The following THADA variants were observed in gnomAD, a reference collection of about 807,000 sequenced individuals.
The protein encoded by THADA is THADA armadillo repeat containing.
THADA carries 213 observed loss-of-function variants against 219.8 expected under a neutral mutation model. That is an observed-to-expected ratio of 0.97 (90% confidence interval 0.87 to 1.09). The LOEUF is 1.09. Among genes scored for constraint, THADA ranks in the 50% least tolerant of loss-of-function variants. The pLI, the probability that THADA is intolerant of heterozygous loss-of-function variation, is 0.00. For missense variants in THADA, 2,956 were observed against 2,311.3 expected (o/e 1.28, Z -5.72); for synonymous variants, 1,018 against 828.9 (o/e 1.23, Z -3.92).
intron 29 of THADA, among the ~76,000 whole-genome samples, chr2:43,394,168 G>A (rs35044219): frequency 0.013 from 1,965 of 152,234 alleles, 20 homozygotes; most frequent in Non-Finnish European, 0.022. Context: ...TGAATCTGCC[G>A]CATAACCTCA....
At chr2:43,546,176 G>C (rs1466606983) in intron 20 of THADA, among the ~76,000 whole-genome samples, 1 of 151,480 alleles carries the variant, frequency 6.6e-6, no homozygotes, top group African/African-American at 2.4e-5. Flanking sequence ...CCATGTAGTT[G>C]AGTGGTTTTG....
intron 22 of THADA, among the ~76,000 whole-genome samples, chr2:43,515,255 TA>T (rs1691465300): frequency 6.5e-5 from 1 of 15,340 alleles, no homozygotes; most frequent in Non-Finnish European, 1.2e-4. Flanking sequence ...ATATTATATA[TA>T]ATATATAATA....
intron 36 of THADA, 130 bp from the exon 37 acceptor site, chr2:43,233,012 T>C (rs566307972): frequency 5.3e-6 from 5 of 935,032 alleles, no homozygotes; most frequent in South Asian, 5.1e-5. Context: ...GGGAAGCTGG[T>C]AGGGTGGGCT....
intron 34 of THADA, 48 bp downstream of exon 34, chr2:43,291,648 G>A: frequency 6.9e-7 from 1 of 1,454,348 alleles, no homozygotes; most frequent in Non-Finnish European, 9.3e-7. Flanking sequence ...CTGAGTAAAT[G>A]AGAACAAAAA....
At chr2:43,291,813 G>C in intron 33 of THADA, 45 bp from the exon 34 acceptor site, 1 of 1,492,560 alleles carries the variant, frequency 6.7e-7, no homozygotes, top group Non-Finnish European at 9.1e-7. Context: ...ATTACAATCA[G>C]ACATATTTCA....
chr2:43,244,057 A>G lies in THADA; in HGVS notation c.5297-11175T>C, dbSNP rs180912343. On this transcript the variant is annotated intron_variant, in intron 36 of 37. Transcript: ENST00000405975. Reference sequence around the variant, plus strand: ...TTTAATCAACAATACATTCCAAAAAATCTTTATTTTTAAAGTTAAAATAAC... The same window carrying G: ...TTTAATCAACAATACATTCCAAAAAGTCTTTATTTTTAAAGTTAAAATAAC... Among the ~76,000 whole-genome samples, 340 of 152,334 alleles carry G rather than the reference A, an allele frequency of 2.2e-3. 2 individuals carry two copies. Among genetic ancestry groups the G allele is most frequent in the Middle Eastern group, 0.014 (4 of 294 alleles).
intron 21 of THADA, among the ~76,000 whole-genome samples, chr2:43,530,866 TG>T (rs150460619): frequency 0.1 from 15,388 of 152,300 alleles, 840 homozygotes; most frequent in South Asian, 0.14. Flanking sequence ...TAGGTATTCC[TG>T]GGCACAGAAA....
At chr2:43,593,996 CAG>C (rs1355951986) in intron 1 of THADA, among the ~76,000 whole-genome samples, 1 of 152,100 alleles carries the variant, frequency 6.6e-6, no homozygotes, top group East Asian at 1.9e-4. Flanking sequence ...AAACAGATTC[CAG>C]ATCAATACAA....
intron 29 of THADA, among the ~76,000 whole-genome samples, chr2:43,391,553 G>C (rs1673384258): frequency 6.6e-6 from 1 of 151,978 alleles, no homozygotes; most frequent in Non-Finnish European, 1.5e-5. Flanking sequence ...TATCCAGAAA[G>C]GAATATATTG....
At chr2:43,383,032 G>A (rs1322777610) in intron 29 of THADA, among the ~76,000 whole-genome samples, 1 of 152,092 alleles carries the variant, frequency 6.6e-6, no homozygotes, top group Admixed American at 6.6e-5. Flanking sequence ...ATGGGTTAAA[G>A]AATAAATTAT....
chr2:43,479,886 A>G (rs1573860681), intron 26 of THADA, among the ~76,000 whole-genome samples: 1 of 152,222 alleles, frequency 6.6e-6, no homozygotes, highest in East Asian at 1.9e-4. Flanking sequence ...AAGAATCTTA[A>G]AGTCAACCCA....
chr2:43,393,020 A>C (rs564316718), intron 29 of THADA, among the ~76,000 whole-genome samples: 54 of 152,320 alleles, frequency 3.5e-4, no homozygotes, highest in African/African-American at 1.3e-3. Context: ...CAAACCCTTA[A>C]GGATGACAGA....
chr2:43,424,780 G>A (rs1678201097), intron 28 of THADA, among the ~76,000 whole-genome samples: 1 of 152,154 alleles, frequency 6.6e-6, no homozygotes, highest in African/African-American at 2.4e-5. Flanking sequence ...CACAGAAGGT[G>A]GCCAAGAAAG....
At chr2:43,545,605 G>A (rs1351141832) in intron 20 of THADA, among the ~76,000 whole-genome samples, 3 of 152,060 alleles carry the variant, frequency 2.0e-5, no homozygotes, top group African/African-American at 7.3e-5. Flanking sequence ...GTCGTGGGAG[G>A]GTGTATGTGT....
At chr2:43,337,365 T>C (rs1303202515) in intron 30 of THADA, among the ~76,000 whole-genome samples, 2 of 152,218 alleles carry the variant, frequency 1.3e-5, no homozygotes, top group South Asian at 2.1e-4. Flanking sequence ...AGGCATGTGG[T>C]GTGTCTCCCC....
intron 36 of THADA, among the ~76,000 whole-genome samples, chr2:43,254,724 A>G (rs923223331): frequency 1.3e-5 from 2 of 152,082 alleles, no homozygotes; most frequent in African/African-American, 2.4e-5. Flanking sequence ...ATTTCCCCCA[A>G]TGACAAATGT....
intron 31 of THADA, among the ~76,000 whole-genome samples, chr2:43,299,434 A>G (rs1675988180): frequency 7.2e-5 from 11 of 152,010 alleles, no homozygotes; most frequent in Admixed American, 7.2e-4. Flanking sequence ...CGAGGCGGGC[A>G]GATCACCTGA....
At chr2:43,388,653 T>G (rs1401046045) in intron 29 of THADA, among the ~76,000 whole-genome samples, 2 of 152,182 alleles carry the variant, frequency 1.3e-5, no homozygotes, top group Non-Finnish European at 2.9e-5. Flanking sequence ...CCCTTAAAAA[T>G]TTGAGCTAAT....
At chr2:43,414,094 G>A (rs1040038951) in intron 28 of THADA, among the ~76,000 whole-genome samples, 10 of 152,102 alleles carry the variant, frequency 6.6e-5, no homozygotes, top group African/African-American at 2.2e-4. Flanking sequence ...GTGTTTTATT[G>A]TTGTGTTTAC....
Sources: allele counts gnomAD v4.1 joint callset (sites outside exome capture counted in the v4.1 genomes callset), GRCh38; gene constraint gnomAD v4.1.1; transcripts MANE v1.5; gene names NCBI Gene and HGNC (gene_info 2026-07-23, HGNC 2026-07-21).